FAF2: variants seen among roughly 807,000 people sequenced by gnomAD.
FAF2 encodes the protein FAS-associated factor 2.
In FAF2, 9 loss-of-function variants were observed where a neutral mutation model predicts 62.3. That is an observed-to-expected ratio of 0.14 (90% CI 0.09 to 0.25). The LOEUF is 0.25. FAF2 is among the 10% of genes least tolerant of loss of function. The probability of loss-of-function intolerance (pLI) is 1.00; values close to 1 mark genes in which losing one functional copy is unlikely to be tolerated. For missense variants in FAF2, 368 were observed against 556.2 expected, an observed-to-expected ratio of 0.66 and a Z score of 3.40; for synonymous variants, 202 against 198.0, an observed-to-expected ratio of 1.02 and a Z score of -0.17.
chr5:176,456,166 G>A (rs1291810827), intron 1 of FAF2, among the ~76,000 whole-genome samples: 1 of 152,046 alleles, frequency 6.6e-6, no homozygotes, highest in Non-Finnish European at 1.5e-5. Flanking sequence ...CCACCTCCTG[G>A]GTTCAAGCAA....
chr5:176,459,472 C>T (rs777205053), intron 1 of FAF2, among the ~76,000 whole-genome samples: 20 of 152,070 alleles, frequency 1.3e-4, no homozygotes, highest in Middle Eastern at 6.8e-3. Context: ...ATTATGTTGT[C>T]CAGGCTGGTC....
chr5:176,459,821 A>G (rs1039771598), intron 1 of FAF2, among the ~76,000 whole-genome samples: 3 of 152,070 alleles, frequency 2.0e-5, no homozygotes, highest in African/African-American at 7.2e-5. Flanking sequence ...GAATGATCCC[A>G]TAGCCCAGAT....
chr5:176,506,702 TGTGC>T (rs1755690415), intron 10 of FAF2, 62 bp from the exon 11 acceptor site: 9 of 1,010,574 alleles, frequency 8.9e-6, no homozygotes, highest in African/African-American at 1.6e-5. Context: ...TGTGTGCGTG[TGTGC>T]GTGTGTGTGT....
chr5:176,473,033 A>G (rs1021229878), intron 1 of FAF2, among the ~76,000 whole-genome samples: 5 of 152,244 alleles, frequency 3.3e-5, no homozygotes, highest in African/African-American at 9.6e-5. Context: ...AATGTTTCTT[A>G]TTAACACCTT....
intron 10 of FAF2, among the ~76,000 whole-genome samples, chr5:176,506,034 C>T (rs138452460): frequency 0.014 from 2,094 of 151,740 alleles, 45 homozygotes; most frequent in African/African-American, 0.048. Flanking sequence ...GCTAAAAATA[C>T]GAAAAAATTA....
intron 10 of FAF2, 70 bp downstream of exon 10, chr5:176,500,216 C>T: frequency 6.8e-7 from 1 of 1,465,038 alleles, no homozygotes; most frequent in Non-Finnish European, 9.4e-7. Context: ...TTTACTGACT[C>T]TTGAGAGTGG....
At chr5:176,472,393 C>T (rs1180127510) in intron 1 of FAF2, among the ~76,000 whole-genome samples, 1 of 151,964 alleles carries the variant, frequency 6.6e-6, no homozygotes, top group African/African-American at 2.4e-5. Context: ...GATCTGCCCA[C>T]CTCAGCCTCC....
Position 176,509,653 on chromosome 5 carries a change from G to T in FAF2, c.*2703G>T, listed in dbSNP as rs1018942309. The T allele has an allele frequency of 6.6e-6, 1 of 152,604 alleles. No individual in the cohort carries two copies. Among genetic ancestry groups the T allele is most frequent in the Non-Finnish European group, 1.5e-5 (1 of 68,030 alleles). 9.5% of individuals were successfully genotyped at this position (152,604 alleles called of 1,614,324 possible). On this transcript the variant is annotated 3_prime_UTR_variant, in exon 11 of 11. Transcript: ENST00000261942. ...AGCAAATACTTCTTTCTCCTTGCTTGCCTCCACCATGATATTTGAATAAGA... is the reference window on the plus strand; with the variant it reads ...AGCAAATACTTCTTTCTCCTTGCTTTCCTCCACCATGATATTTGAATAAGA...
In FAF2 at chr5:176,448,454, A is replaced by G. The variant is rs1758106574; in HGVS notation, c.47A>G (p.Lys16Arg). ...GATCTAACCCAGGAGCAGACAGAGA[A>G]GCTGCTGCAGTTTCAGGTAGCAGCG... ...ERDLTQEQTE[K>R]LLQFQDLTGI... Residue 16 changes from lysine to arginine, a missense_variant, in exon 1 of 11, where the codon AAG becomes AGG. By Grantham distance (26) the Lys-to-Arg change is conservative. This residue lies in a region of FAF2 where 331 missense variants were observed against 441.9 expected (regional missense o/e 0.75). Transcript: ENST00000261942. 2 of 1,603,578 alleles carry G rather than the reference A, an allele frequency of 1.2e-6. No homozygotes were observed. The highest frequency in any genetic ancestry group is 1.7e-6 in the Non-Finnish European group (2 of 1,175,428).
chr5:176,449,570 C>T (rs1247771702), intron 1 of FAF2, among the ~76,000 whole-genome samples: 2 of 151,006 alleles, frequency 1.3e-5, no homozygotes, highest in African/African-American at 2.4e-5. Flanking sequence ...AGTGAAACTC[C>T]GTCTCAAAAA....
At chr5:176,491,906 C>G (rs1258113442) in intron 4 of FAF2, among the ~76,000 whole-genome samples, 1 of 152,204 alleles carries the variant, frequency 6.6e-6, no homozygotes, top group Non-Finnish European at 1.5e-5. Flanking sequence ...CCAAACCCTT[C>G]TAGCCCTAAA....
intron 1 of FAF2, among the ~76,000 whole-genome samples, chr5:176,471,694 T>C (rs2113727146): frequency 6.7e-6 from 1 of 148,898 alleles, no homozygotes; most frequent in South Asian, 2.1e-4. Context: ...CTTTTTTTTT[T>C]TTTTTTGAGA....
intron 1 of FAF2, among the ~76,000 whole-genome samples, chr5:176,449,968 G>A (rs1409873104): frequency 6.6e-6 from 1 of 152,192 alleles, no homozygotes; most frequent in Middle Eastern, 3.2e-3. Flanking sequence ...GCTAGAAAAT[G>A]ATGGTGTCAG....
At chr5:176,504,329 G>A (rs1195509011) in intron 10 of FAF2, among the ~76,000 whole-genome samples, 1 of 151,638 alleles carries the variant, frequency 6.6e-6, no homozygotes, top group African/African-American at 2.4e-5. Flanking sequence ...CACGCCCATA[G>A]TCCCAGCCTA....
chr5:176,449,117 G>A (rs758553520), intron 1 of FAF2, among the ~76,000 whole-genome samples: 1 of 152,160 alleles, frequency 6.6e-6, no homozygotes, highest in Non-Finnish European at 1.5e-5. Flanking sequence ...CTTGAGGAGG[G>A]TGGTAACTTG....
intron 1 of FAF2, among the ~76,000 whole-genome samples, chr5:176,467,154 G>A (rs1425540874): frequency 1.3e-4 from 7 of 55,266 alleles, no homozygotes; most frequent in African/African-American, 5.1e-4. Flanking sequence ...TTTTTTTTTT[G>A]GTCACTTGTC....
At chr5:176,453,133 A>G (rs1487255849) in intron 1 of FAF2, 4 of 152,166 alleles carry the variant, frequency 2.6e-5, no homozygotes, top group Non-Finnish European at 5.9e-5. Flanking sequence ...TTTATTTTGG[A>G]ACCAGTTGAA....
At chr5:176,471,570 A>G (rs1758570359) in intron 1 of FAF2, among the ~76,000 whole-genome samples, 1 of 151,076 alleles carries the variant, frequency 6.6e-6, no homozygotes. Context: ...TTTAGTAGAG[A>G]CGGGGTTTCA....
At chr5:176,499,923 G>A (rs1391931096) in intron 9 of FAF2, 80 bp from the exon 10 acceptor site, 3 of 1,529,278 alleles carry the variant, frequency 2.0e-6, no homozygotes, top group Non-Finnish European at 2.7e-6. Context: ...TTTTTCTTCT[G>A]ACGACTGCGT....
Sources: allele counts gnomAD v4.1 joint callset (sites outside exome capture counted in the v4.1 genomes callset), GRCh38; gene constraint gnomAD v4.1.1; regional missense constraint gnomAD v4.1.1; transcripts MANE v1.5; gene names NCBI Gene and HGNC (gene_info 2026-07-23, HGNC 2026-07-21).